Variants in ARHGAP10 observed in about 807,000 individuals in gnomAD.
ARHGAP10 encodes rho GTPase-activating protein 10.
Under a neutral mutation model 108.6 loss-of-function variants are expected in ARHGAP10, and 87 were observed. That is an observed-to-expected ratio of 0.80 (90% CI 0.67 to 0.96). ARHGAP10 has a LOEUF of 0.96. Among genes scored for constraint, ARHGAP10 ranks in the 40% least tolerant of loss-of-function variants. ARHGAP10 has a pLI of 0.00. For synonymous variants in ARHGAP10, 347 were observed against 341.1 expected (o/e 1.02, Z -0.19); for missense variants, 939 against 954.5 (o/e 0.98, Z 0.21).
At chr4:147,791,386 A>G (rs1579050739) in intron 1 of ARHGAP10, among the ~76,000 whole-genome samples, 1 of 152,124 alleles carries the variant, frequency 6.6e-6, no homozygotes, top group South Asian at 2.1e-4. Context: ...TGCTGAGATT[A>G]CAGGCATGAG....
intron 18 of ARHGAP10, among the ~76,000 whole-genome samples, chr4:147,993,016 C>T (rs1740338650): frequency 6.6e-6 from 1 of 152,224 alleles, no homozygotes; most frequent in Non-Finnish European, 1.5e-5. Flanking sequence ...ACTTCTTATG[C>T]AGATATTTGT....
At chr4:147,738,803 C>T (rs1243914266) in intron 1 of ARHGAP10, among the ~76,000 whole-genome samples, 1 of 152,124 alleles carries the variant, frequency 6.6e-6, no homozygotes, top group Non-Finnish European at 1.5e-5. Flanking sequence ...GCACCATTAC[C>T]AGTGACCAAG....
chr4:147,908,019 T>C (rs954946044), intron 11 of ARHGAP10, among the ~76,000 whole-genome samples: 1 of 152,162 alleles, frequency 6.6e-6, no homozygotes, highest in African/African-American at 2.4e-5. Context: ...ATTTTTGTAA[T>C]TTTTAGTAGA....
chr4:147,874,687 T>C (rs1217027883), intron 7 of ARHGAP10, among the ~76,000 whole-genome samples: 2 of 152,322 alleles, frequency 1.3e-5, no homozygotes, highest in African/African-American at 2.4e-5. Context: ...ACCTAACTTA[T>C]GTTTTAAACC....
chr4:147,947,063 A>G (rs894735579), intron 15 of ARHGAP10, among the ~76,000 whole-genome samples: 1 of 152,180 alleles, frequency 6.6e-6, no homozygotes, highest in Non-Finnish European at 1.5e-5. Context: ...ATGATTTTTT[A>G]AAGTTTAAAT....
chr4:148,022,434 A>C (rs545824257), intron 18 of ARHGAP10, among the ~76,000 whole-genome samples: 1 of 152,204 alleles, frequency 6.6e-6, no homozygotes, highest in Non-Finnish European at 1.5e-5. Context: ...ATTTTACTTT[A>C]TGACTTTATT....
intron 3 of ARHGAP10, among the ~76,000 whole-genome samples, chr4:147,829,330 G>A (rs1732854939): frequency 6.6e-6 from 1 of 152,094 alleles, no homozygotes; most frequent in African/African-American, 2.4e-5. Context: ...TGGGATTACA[G>A]GTGTGAGCCA....
Position 148,059,973 on chromosome 4 carries a change from TGA to T in ARHGAP10, c.2028-3155_2028-3154del, listed in dbSNP as rs145893430. Among the ~76,000 whole-genome samples the T allele has an allele frequency of 6.9e-4, 101 of 145,976 alleles. No individual in the cohort carries two copies. In the East Asian group the frequency reaches 0.012, roughly 17 times the overall value. ...TTTATGATGGGTAAAGCCCACTCTT[TGA>T]GAGAGAGAGAGAGAGAGAGGGGAGA... is the stretch of plus-strand genomic sequence containing the variant. On this transcript the variant is annotated intron_variant, in intron 20 of 22. Coordinates refer to ENST00000336498, the MANE Select transcript of ARHGAP10 (RefSeq NM_024605.4).
chr4:148,028,897 T>A (rs1330682310), intron 19 of ARHGAP10, among the ~76,000 whole-genome samples: 1 of 152,204 alleles, frequency 6.6e-6, no homozygotes, highest in Non-Finnish European at 1.5e-5. Context: ...CGCCACAGAT[T>A]AGGCTCATAG....
intron 1 of ARHGAP10, among the ~76,000 whole-genome samples, chr4:147,785,099 AAG>A (rs1491575723): frequency 2.0e-5 from 3 of 146,356 alleles, no homozygotes; most frequent in South Asian, 4.2e-4. Flanking sequence ...AAAAAAAAAA[AAG>A]AATAACATCT....
intron 18 of ARHGAP10, among the ~76,000 whole-genome samples, chr4:147,981,063 A>G (rs182058545): frequency 1.4e-4 from 22 of 152,102 alleles, no homozygotes; most frequent in African/African-American, 4.8e-4. Flanking sequence ...TCTTGGTTTC[A>G]TTTAGTTCTG....
chr4:148,026,224 G>T (rs982705611), intron 19 of ARHGAP10, among the ~76,000 whole-genome samples: 3 of 152,144 alleles, frequency 2.0e-5, no homozygotes, highest in Admixed American at 1.3e-4. Flanking sequence ...CAAACAGCCA[G>T]TCTTGGAACA....
rs544018112 is a variant in ARHGAP10, at chr4:147,865,780, G to A, written c.597+824G>A. 5 of 152,292 alleles carry A rather than the reference G, an allele frequency of 3.3e-5. No individual in the cohort carries two copies. In the East Asian group the frequency reaches 5.8e-4, roughly 18 times the overall value. 9.4% of individuals were successfully genotyped at this position (152,292 alleles called of 1,614,324 possible). On this transcript the variant is annotated intron_variant, in intron 6 of 22. Transcript: ENST00000336498. The stretch of plus-strand genomic sequence containing the variant: ...TTTGTGGAGCTATGGTTTAGTTGGA[G>A]CGATAGTCATTAACCTAAACCATTA...
intron 15 of ARHGAP10, among the ~76,000 whole-genome samples, chr4:147,948,744 CAGG>C (rs1222596203): frequency 6.6e-6 from 1 of 151,664 alleles, no homozygotes; most frequent in African/African-American, 2.4e-5. Flanking sequence ...ATCACAAGAT[CAGG>C]AGATCAAGAC....
chr4:148,048,409 A>G (rs1728980637), intron 20 of ARHGAP10, among the ~76,000 whole-genome samples: 2 of 152,322 alleles, frequency 1.3e-5, no homozygotes, highest in South Asian at 4.1e-4. Context: ...CATTCTCCAG[A>G]TGAGATTTTT....
At chr4:148,008,777 TA>T (rs1272369967) in intron 18 of ARHGAP10, among the ~76,000 whole-genome samples, 3 of 152,130 alleles carry the variant, frequency 2.0e-5, no homozygotes, top group African/African-American at 7.2e-5. Flanking sequence ...ATTTTTCTGA[TA>T]ATTGCCCTTT....
In ARHGAP10 at chr4:147,732,102, A is replaced by G; in HGVS notation, c.-200A>G. 5.7e-6 allele frequency: 2 copies of G among 351,970 alleles called. No individual in the cohort carries two copies. Among genetic ancestry groups the G allele is most frequent in the Admixed American group, 5.1e-5 (1 of 19,752 alleles). The allele number at this position is 351,970 out of a possible 1,614,324, so 21.8% of individuals were successfully genotyped here. The stretch of plus-strand genomic sequence containing the variant: ...CTGCCGGGATTGGGGCGCCGCAGCT[A>G]GCGCTGGTCTCGGTGGCAGCTCCTC... On this transcript the variant is annotated 5_prime_UTR_variant, in exon 1 of 23. Coordinates refer to ENST00000336498, the MANE Select transcript of ARHGAP10 (RefSeq NM_024605.4).
intron 18 of ARHGAP10, among the ~76,000 whole-genome samples, chr4:147,978,419 C>T (rs1739682967): frequency 6.6e-6 from 1 of 152,124 alleles, no homozygotes; most frequent in African/African-American, 2.4e-5. Flanking sequence ...ACTCAAATCT[C>T]ATGTTGAATT....
At chr4:148,032,331 C>T (rs1472069548) in intron 19 of ARHGAP10, among the ~76,000 whole-genome samples, 4 of 2,180 alleles carry the variant, frequency 1.8e-3, no homozygotes, top group Admixed American at 3.8e-3. Context: ...CAACTGTCCC[C>T]CCCCCCCCCC....
Sources: allele counts gnomAD v4.1 joint callset (sites outside exome capture counted in the v4.1 genomes callset), GRCh38; gene constraint gnomAD v4.1.1; transcripts MANE v1.5; gene names NCBI Gene and HGNC (gene_info 2026-07-23, HGNC 2026-07-21).